Variants in NEDD4L observed in about 807,000 individuals in gnomAD.
The protein encoded by NEDD4L is NEDD4 like E3 ubiquitin protein ligase.
Under a neutral mutation model 148.9 loss-of-function variants are expected in NEDD4L, and 54 were observed. That is an observed-to-expected ratio of 0.36 (90% CI 0.29 to 0.45). The LOEUF is 0.45. Ranked by LOEUF, NEDD4L falls within the 20% of genes least tolerant of loss-of-function variation. NEDD4L has a pLI of 1.00. For synonymous variants in NEDD4L, 433 were observed against 440.7 expected, an observed-to-expected ratio of 0.98 and a Z score of 0.22; for missense variants, 856 against 1,233.8, an observed-to-expected ratio of 0.69 and a Z score of 4.59.
rs755637988 is a variant in NEDD4L, at chr18:58,323,219, A to G, written c.411-13A>G. 2.6e-6 allele frequency: 4 copies of G among 1,532,922 alleles called. No individual in the cohort carries two copies. The highest frequency in any genetic ancestry group is 2.7e-6 in the Non-Finnish European group (3 of 1,113,398). 95.0% of individuals were successfully genotyped at this position (1,532,922 alleles called of 1,614,324 possible). A position where few individuals can be genotyped will look rare whatever the true frequency, so the allele number is the denominator to read the frequency against. ...CAACCCTTCTAACCAATTTTCTTCC[A>G]TTATGTGTGCAGTCATAAGTCTCGA... On this transcript the variant is annotated splice_polypyrimidine_tract_variant and intron_variant, in intron 7 of 30. Transcript: ENST00000400345.
At chr18:58,168,573 C>T (rs538302170) in intron 2 of NEDD4L, among the ~76,000 whole-genome samples, 12 of 152,200 alleles carry the variant, frequency 7.9e-5, no homozygotes, top group Non-Finnish European at 1.6e-4. Context: ...GTAGTGTCCT[C>T]TCTGGCAGCC....
intron 1 of NEDD4L, among the ~76,000 whole-genome samples, chr18:58,048,297 C>T (rs929749114): frequency 1.3e-5 from 2 of 152,180 alleles, no homozygotes; most frequent in African/African-American, 4.8e-5. Context: ...TCTTAATCAA[C>T]CATTAAGGTT....
chr18:58,226,968 T>C (rs1422481737), intron 2 of NEDD4L, among the ~76,000 whole-genome samples: 1 of 152,156 alleles, frequency 6.6e-6, no homozygotes, highest in Non-Finnish European at 1.5e-5. Context: ...AGAGTCTGCC[T>C]CTCCAGTGAA....
At chr18:58,102,670 C>A (rs76862837) in intron 1 of NEDD4L, among the ~76,000 whole-genome samples, 14,498 of 152,012 alleles carry the variant, frequency 0.095, 744 homozygotes, top group Non-Finnish European at 0.11. Context: ...AACGCAGTAT[C>A]ACATCTATTT....
At chr18:58,305,802 A>G (rs1002144896) in intron 5 of NEDD4L, among the ~76,000 whole-genome samples, 3 of 151,614 alleles carry the variant, frequency 2.0e-5, no homozygotes, top group African/African-American at 7.2e-5. Flanking sequence ...GTGTGTGGAA[A>G]GAAGGAATTT....
rs1161273608 is a variant in NEDD4L, at chr18:58,069,136, C to CAA, written c.48+24450_48+24451dup. On this transcript the variant is annotated intron_variant, in intron 1 of 30. Coordinates refer to ENST00000400345, the MANE Select transcript of NEDD4L (RefSeq NM_001144967.3). ...GTGTGATAGAGTGAGAATCTGTCTCCAAAAAAAAAAAAAAAAAAAAAAATA... is the reference window on the plus strand; with the variant it reads ...GTGTGATAGAGTGAGAATCTGTCTCCAAAAAAAAAAAAAAAAAAAAAAAAATA... Among the ~76,000 whole-genome samples, 568 of 72,790 alleles carry CAA rather than the reference C, an allele frequency of 7.8e-3. 3 individuals carry two copies. Among genetic ancestry groups the CAA allele is most frequent in the Middle Eastern group, 0.034 (5 of 146 alleles). 47.8% of individuals were successfully genotyped at this position (72,790 alleles called of 152,430 possible). A position where few individuals can be genotyped will look rare whatever the true frequency, so the allele number is the denominator to read the frequency against.
At chr18:58,062,218 A>G (rs1356374540) in intron 1 of NEDD4L, among the ~76,000 whole-genome samples, 1 of 152,068 alleles carries the variant, frequency 6.6e-6, no homozygotes, top group African/African-American at 2.4e-5. Flanking sequence ...TTGCTTGATC[A>G]CCCAGTACGT....
intron 9 of NEDD4L, among the ~76,000 whole-genome samples, chr18:58,328,165 A>G (rs1601305256): frequency 6.6e-6 from 1 of 152,176 alleles, no homozygotes; most frequent in South Asian, 2.1e-4. Flanking sequence ...GGGTTTTGCC[A>G]TGTTGGCCAG....
intron 5 of NEDD4L, among the ~76,000 whole-genome samples, chr18:58,300,966 A>T (rs1462159047): frequency 2.0e-5 from 3 of 152,218 alleles, no homozygotes; most frequent in Admixed American, 2.0e-4. Flanking sequence ...GGTGTATCTC[A>T]TAAGCTCTGA....
At chr18:58,162,706 A>C (rs1374547708) in intron 1 of NEDD4L, among the ~76,000 whole-genome samples, 1 of 151,538 alleles carries the variant, frequency 6.6e-6, no homozygotes, top group Admixed American at 6.6e-5. Flanking sequence ...ATGGGTACTC[A>C]GTAAATACTT....
intron 1 of NEDD4L, among the ~76,000 whole-genome samples, chr18:58,105,151 G>A (rs2084991151): frequency 6.6e-6 from 1 of 152,198 alleles, no homozygotes; most frequent in Non-Finnish European, 1.5e-5. Flanking sequence ...GTGGCCAGTA[G>A]CTGGAAGAAC....
intron 2 of NEDD4L, among the ~76,000 whole-genome samples, chr18:58,202,353 T>C (rs1290706928): frequency 6.6e-6 from 1 of 152,232 alleles, no homozygotes; most frequent in East Asian, 1.9e-4. Flanking sequence ...CAGGCTGTCC[T>C]CCAGGACAGT....
intron 1 of NEDD4L, among the ~76,000 whole-genome samples, chr18:58,106,833 C>T (rs2085096678): frequency 6.6e-6 from 1 of 152,188 alleles, no homozygotes; most frequent in Non-Finnish European, 1.5e-5. Context: ...CTAGAAAGGA[C>T]TTGAGCCAGG....
intron 2 of NEDD4L, among the ~76,000 whole-genome samples, chr18:58,185,181 G>A (rs1040566369): frequency 1.6e-4 from 25 of 152,142 alleles, no homozygotes; most frequent in Admixed American, 1.2e-3. Context: ...GGAATGACAG[G>A]GAGGTCTTAA....
intron 1 of NEDD4L, among the ~76,000 whole-genome samples, chr18:58,082,401 A>C (rs62096161): frequency 0.38 from 57,573 of 150,008 alleles, 13,240 homozygotes; most frequent in African/African-American, 0.66. Flanking sequence ...AATAAATATT[A>C]TTTTACACAT....
chr18:58,315,854 C>T (rs562421767), intron 5 of NEDD4L, 128 bp from the exon 6 acceptor site: 1 of 839,024 alleles, frequency 1.2e-6, no homozygotes, highest in Non-Finnish European at 2.1e-6. Context: ...CTCCTCGGGG[C>T]CTTCCGCCCT....
chr18:58,277,056 A>G (rs1439697874), intron 5 of NEDD4L, among the ~76,000 whole-genome samples: 2 of 152,118 alleles, frequency 1.3e-5, no homozygotes, highest in African/African-American at 4.8e-5. Context: ...AGTGCCAGGC[A>G]TACAACCATG....
intron 1 of NEDD4L, among the ~76,000 whole-genome samples, chr18:58,115,245 CTTTTTTT>C (rs60541981): frequency 7.7e-6 from 1 of 129,538 alleles, no homozygotes; most frequent in Non-Finnish European, 1.6e-5. Context: ...TTCTTTCTTT[CTTTTTTT>C]TTTTTTTTTC....
chr18:58,308,333 G>C (rs575069708), intron 5 of NEDD4L, among the ~76,000 whole-genome samples: 2 of 152,318 alleles, frequency 1.3e-5, no homozygotes, highest in South Asian at 2.1e-4. Flanking sequence ...TAATACCTGG[G>C]GGGTTTCTAC....
Sources: allele counts gnomAD v4.1 joint callset (sites outside exome capture counted in the v4.1 genomes callset), GRCh38; gene constraint gnomAD v4.1.1; transcripts MANE v1.5; gene names NCBI Gene and HGNC (gene_info 2026-07-23, HGNC 2026-07-21).